The following TMEM232 variants were observed in gnomAD, a reference collection of about 807,000 sequenced individuals.
TMEM232 encodes the protein transmembrane protein 232.
Under a neutral mutation model 78.8 loss-of-function variants are expected in TMEM232, and 80 were observed. That is an observed-to-expected ratio of 1.01 (90% CI 0.85 to 1.22). The LOEUF is 1.22. TMEM232 is among the 50% of genes most tolerant of loss of function. The pLI is 0.00. For missense variants in TMEM232, 881 were observed against 742.2 expected, an observed-to-expected ratio of 1.19 and a Z score of -2.17; for synonymous variants, 297 against 254.3, an observed-to-expected ratio of 1.17 and a Z score of -1.60.
At chr5:110,560,582 T>A (rs1200937445) in intron 11 of TMEM232, among the ~76,000 whole-genome samples, 1 of 151,706 alleles carries the variant, frequency 6.6e-6, no homozygotes, top group African/African-American at 2.4e-5. Flanking sequence ...TTTACAAAGA[T>A]CTCCAAACAA....
chr5:110,608,452 G>A (rs994834327), intron 8 of TMEM232, among the ~76,000 whole-genome samples: 8 of 150,266 alleles, frequency 5.3e-5, no homozygotes, highest in Non-Finnish European at 8.9e-5. Context: ...TTCATATTAC[G>A]GTCAATTAAA....
intron 2 of TMEM232, among the ~76,000 whole-genome samples, chr5:110,410,885 T>A (rs1351110706): frequency 6.6e-6 from 1 of 152,118 alleles, no homozygotes; most frequent in East Asian, 1.9e-4. Context: ...CTATGTTCTG[T>A]CTTTATGATG....
chr5:110,428,080 C>T (rs1375461500), intron 12 of TMEM232, among the ~76,000 whole-genome samples: 1 of 151,762 alleles, frequency 6.6e-6, no homozygotes, highest in Non-Finnish European at 1.5e-5. Context: ...AATAGTAGGT[C>T]ATATTCATTC....
intron 1 of TMEM232, among the ~76,000 whole-genome samples, chr5:110,683,521 A>G (rs909927439): frequency 6.6e-6 from 1 of 151,954 alleles, no homozygotes; most frequent in Non-Finnish European, 1.5e-5. Context: ...CAGCACGCTT[A>G]AACAAAAACT....
At chr5:110,443,445 G>A (rs1221959537) in intron 12 of TMEM232, among the ~76,000 whole-genome samples, 1 of 152,082 alleles carries the variant, frequency 6.6e-6, no homozygotes, top group African/African-American at 2.4e-5. Flanking sequence ...AGCTTGTGGT[G>A]AATTATCCCA....
chr5:110,598,193 G>T (rs1222682723), intron 10 of TMEM232, among the ~76,000 whole-genome samples: 3 of 152,014 alleles, frequency 2.0e-5, no homozygotes, highest in Admixed American at 2.0e-4. Flanking sequence ...TCAAAAAGTG[G>T]GCAAAGAATA....
At chr5:110,410,176 G>A (rs1467325207) in intron 2 of TMEM232, among the ~76,000 whole-genome samples, 3 of 150,196 alleles carry the variant, frequency 2.0e-5, no homozygotes, top group African/African-American at 7.5e-5. Flanking sequence ...GTTCCAGCAT[G>A]GAACTCTGTG....
intron 5 of TMEM232, among the ~76,000 whole-genome samples, chr5:110,635,485 C>T (rs899808266): frequency 1.3e-5 from 2 of 152,002 alleles, no homozygotes; most frequent in African/African-American, 2.4e-5. Context: ...GATAATACAA[C>T]ACGATCAAAT....
At chr5:110,390,059 G>A (rs960079224) in intron 4 of TMEM232, among the ~76,000 whole-genome samples, 8 of 152,052 alleles carry the variant, frequency 5.3e-5, no homozygotes, top group Non-Finnish European at 8.8e-5. Flanking sequence ...CCTGACTTTG[G>A]GGTATACCAG....
In TMEM232 at chr5:110,471,538, C is replaced by T. The variant is rs146647577; in HGVS notation, c.1704-46622G>A. Among the ~76,000 whole-genome samples, 199 of 151,526 alleles carry T rather than the reference C, an allele frequency of 1.3e-3. 3 individuals carry two copies. Among genetic ancestry groups the T allele is most frequent in the African/African-American group, 4.3e-3 (179 of 41,358 alleles). The stretch of plus-strand genomic sequence containing the variant: ...AGCAGAGTCACATATAAAGGAATTC[C>T]ATTATGATATCAGTGAACTTCACAG... On this transcript the variant is annotated intron_variant, in intron 12 of 13. Transcript: ENST00000455884.
intron 12 of TMEM232, among the ~76,000 whole-genome samples, chr5:110,526,992 G>A (rs1770701708): frequency 6.6e-6 from 1 of 151,814 alleles, no homozygotes; most frequent in Non-Finnish European, 1.5e-5. Context: ...ATTTTAAAAT[G>A]AAGGGGGAAA....
chr5:110,618,188 T>TA (rs75633693), intron 8 of TMEM232, among the ~76,000 whole-genome samples: 82 of 147,740 alleles, frequency 5.6e-4, no homozygotes, highest in South Asian at 1.9e-3. Context: ...CTGCATTTAA[T>TA]AAAAAAAAAA....
chr5:110,523,561 A>T (rs1249030068), intron 12 of TMEM232, among the ~76,000 whole-genome samples: 1 of 152,030 alleles, frequency 6.6e-6, no homozygotes, highest in African/African-American at 2.4e-5. Flanking sequence ...CATAAGTTTT[A>T]GTATGTTTTG....
intron 13 of TMEM232, among the ~76,000 whole-genome samples, chr5:110,422,632 C>T (rs1341304157): frequency 2.7e-5 from 4 of 150,252 alleles, no homozygotes; most frequent in Non-Finnish European, 5.9e-5. Flanking sequence ...TGTATAAAAG[C>T]ATCAGTACAT....
downstream of TMEM232, among the ~76,000 whole-genome samples, chr5:110,419,479 A>T (rs1460024171): frequency 1.3e-5 from 2 of 152,176 alleles, no homozygotes; most frequent in African/African-American, 4.8e-5. Flanking sequence ...ATGCTATTAA[A>T]AAATTAGTTG....
chr5:110,711,480 T>C (rs1046267044), intron 1 of TMEM232, among the ~76,000 whole-genome samples: 2 of 151,990 alleles, frequency 1.3e-5, no homozygotes, highest in Admixed American at 1.3e-4. Flanking sequence ...AAGAACAAAA[T>C]TGGAGGAATC....
chr5:110,412,153 G>T (rs1756021494), intron 2 of TMEM232, among the ~76,000 whole-genome samples: 2 of 152,054 alleles, frequency 1.3e-5, no homozygotes, highest in Admixed American at 6.6e-5. Flanking sequence ...AGAAAGGGGG[G>T]TATTTGTTCA....
At chr5:110,525,060 C>G (rs1770372130) in intron 12 of TMEM232, among the ~76,000 whole-genome samples, 1 of 151,422 alleles carries the variant, frequency 6.6e-6, no homozygotes, top group Admixed American at 6.6e-5. Context: ...TATAAACAGC[C>G]CAATTTTTTA....
chr5:110,483,596 T>C (rs1764139240), intron 12 of TMEM232, among the ~76,000 whole-genome samples: 1 of 151,820 alleles, frequency 6.6e-6, no homozygotes, highest in African/African-American at 2.4e-5. Context: ...CCGCGGCCTG[T>C]TGTGGGGTGG....
Sources: gnomAD v4.1 joint callset for allele counts (sites outside exome capture counted in the v4.1 genomes callset) on GRCh38, gnomAD v4.1.1 for gene constraint, MANE v1.5 for transcripts, NCBI Gene and HGNC (gene_info 2026-07-23, HGNC 2026-07-21) for gene names.